EYS: variants seen among roughly 807,000 people sequenced by gnomAD.
The protein encoded by EYS is EGF-like photoreceptor maintenance factor, also known as protein eyes shut homolog.
A neutral mutation model predicts 282.1 loss-of-function variants in EYS; 250 were observed. That is an observed-to-expected ratio of 0.89 (90% CI 0.80 to 0.98). The LOEUF (loss-of-function observed/expected upper bound fraction) is 0.98. Among genes scored for constraint, EYS ranks in the 50% least tolerant of loss-of-function variants. The pLI, the probability that EYS is intolerant of heterozygous loss-of-function variation, is 0.00. For missense variants in EYS, 4,016 were observed against 3,709.0 expected, an observed-to-expected ratio of 1.08 and a Z score of -2.15; for synonymous variants, 1,355 against 1,282.9, an observed-to-expected ratio of 1.06 and a Z score of -1.20.
Position 65,650,585 on chromosome 6 carries a change from C to A in EYS, c.-447-10693G>T, listed in dbSNP as rs1164324092. On this transcript the variant is annotated intron_variant, in intron 1 of 42. Coordinates refer to ENST00000503581, the MANE Select transcript of EYS (RefSeq NM_001142800.2). Reference sequence around the variant, plus strand: ...AGGTAAACAGGATTCTCTGCTCGATCATTGACATCAAAGGCAAAAACGAAT... The same window carrying A: ...AGGTAAACAGGATTCTCTGCTCGATAATTGACATCAAAGGCAAAAACGAAT... Among the ~76,000 whole-genome samples the A allele has an allele frequency of 2.6e-5, 4 of 152,180 alleles. No individual in the cohort carries two copies. In the East Asian group the frequency reaches 5.8e-4, roughly 22 times the overall value.
intron 29 of EYS, among the ~76,000 whole-genome samples, chr6:64,350,997 G>A (rs1332263934): frequency 3.3e-5 from 5 of 151,118 alleles, no homozygotes; most frequent in African/African-American, 9.7e-5. Flanking sequence ...TGTTTGCTTC[G>A]CCTTCCAACA....
intron 5 of EYS, among the ~76,000 whole-genome samples, chr6:65,422,692 A>G (rs1450291873): frequency 6.6e-6 from 1 of 151,846 alleles, no homozygotes; most frequent in Admixed American, 6.6e-5. Context: ...GAAATATCCT[A>G]CACATCTAAC....
chr6:64,731,888 A>G (rs1312131773), intron 22 of EYS, among the ~76,000 whole-genome samples: 1 of 152,216 alleles, frequency 6.6e-6, no homozygotes, highest in African/African-American at 2.4e-5. Flanking sequence ...ATTGTTCACA[A>G]TAGCAAATAT....
intron 24 of EYS, among the ~76,000 whole-genome samples, chr6:64,604,667 C>A (rs1766867480): frequency 6.6e-6 from 1 of 152,048 alleles, no homozygotes; most frequent in African/African-American, 2.4e-5. Context: ...CTTCTGAAAG[C>A]ACAAGTTCAT....
chr6:64,699,623 T>C (rs1770711180), intron 22 of EYS, among the ~76,000 whole-genome samples: 2 of 152,090 alleles, frequency 1.3e-5, no homozygotes, highest in African/African-American at 2.4e-5. Context: ...TCTGGGAACA[T>C]ACAACTCCCA....
chr6:64,633,859 G>A (rs138308834), intron 22 of EYS, among the ~76,000 whole-genome samples: 4 of 152,154 alleles, frequency 2.6e-5, no homozygotes, highest in African/African-American at 4.8e-5. Flanking sequence ...GTCTTTATAT[G>A]ATTGTAATCC....
At chr6:65,121,910 GT>G (rs1369177591) in intron 12 of EYS, among the ~76,000 whole-genome samples, 1 of 151,572 alleles carries the variant, frequency 6.6e-6, no homozygotes, top group African/African-American at 2.4e-5. Context: ...CTTCCTGTTT[GT>G]TTCATATAGC....
At chr6:65,460,761 C>T (rs531305680) in intron 5 of EYS, among the ~76,000 whole-genome samples, 3 of 152,124 alleles carry the variant, frequency 2.0e-5, no homozygotes, top group Non-Finnish European at 4.4e-5. Flanking sequence ...GCCAAATAAA[C>T]TTAAAATATA....
chr6:64,623,450 T>C (rs531899125), intron 23 of EYS, among the ~76,000 whole-genome samples: 1 of 152,170 alleles, frequency 6.6e-6, no homozygotes, highest in South Asian at 2.1e-4. Flanking sequence ...TTAGGTAAAA[T>C]GAGATGCCCT....
At chr6:64,695,940 G>T (rs888004294) in intron 22 of EYS, among the ~76,000 whole-genome samples, 1 of 152,024 alleles carries the variant, frequency 6.6e-6, no homozygotes, top group African/African-American at 2.4e-5. Flanking sequence ...CATAATACTG[G>T]AAGTATTTTT....
intron 23 of EYS, among the ~76,000 whole-genome samples, chr6:64,622,220 G>A (rs1242007206): frequency 6.6e-6 from 1 of 152,092 alleles, no homozygotes; most frequent in Admixed American, 6.6e-5. Context: ...TGGCTTGGAG[G>A]AAGTGGCATA....
chr6:65,418,175 T>A (rs754354005), intron 5 of EYS, among the ~76,000 whole-genome samples: 85 of 152,168 alleles, frequency 5.6e-4, no homozygotes, highest in Middle Eastern at 3.4e-3. Flanking sequence ...CAGCCTAAGT[T>A]CCTATTTAAT....
At chr6:65,627,426 GACACTTGAGGA>G (rs1562297232) in intron 2 of EYS, among the ~76,000 whole-genome samples, 1 of 152,164 alleles carries the variant, frequency 6.6e-6, no homozygotes, top group Non-Finnish European at 1.5e-5. Context: ...CCACTTTGGC[GACACTTGAGGA>G]GCCCTTCGGC....
At chr6:65,644,215 T>C (rs1379920090) in intron 1 of EYS, among the ~76,000 whole-genome samples, 2 of 151,964 alleles carry the variant, frequency 1.3e-5, no homozygotes, top group African/African-American at 2.4e-5. Context: ...ATAGATAGCA[T>C]AAATAAAAAC....
chr6:64,203,164 G>A (rs1765514258), intron 31 of EYS, among the ~76,000 whole-genome samples: 1 of 152,168 alleles, frequency 6.6e-6, no homozygotes, highest in African/African-American at 2.4e-5. Flanking sequence ...GCAGAAATGA[G>A]TGTCAAAATG....
In EYS at chr6:64,917,043, A is replaced by C. The variant is rs189149781; in HGVS notation, c.2382-4300T>G. ...AGGCGGGTGGATCACGAGGTCAGGA[A>C]ATCAAGACCATCCTGGTCAATATGG... On this transcript the variant is annotated intron_variant, in intron 15 of 42. Coordinates refer to ENST00000503581, the MANE Select transcript of EYS (RefSeq NM_001142800.2). 1.1e-3 allele frequency among the ~76,000 whole-genome samples: 171 copies of C among 152,216 alleles called. No homozygotes were observed. The East Asian group carries it at 0.025, about 22-fold the overall frequency.
At chr6:65,578,615 A>G (rs908195899) in intron 2 of EYS, among the ~76,000 whole-genome samples, 2 of 152,116 alleles carry the variant, frequency 1.3e-5, no homozygotes, top group South Asian at 2.1e-4. Flanking sequence ...ATTAAAAAAA[A>G]TGATAAGTGT....
At chr6:64,356,443 C>T (rs949082795) in intron 29 of EYS, among the ~76,000 whole-genome samples, 10 of 151,650 alleles carry the variant, frequency 6.6e-5, no homozygotes, top group Admixed American at 5.9e-4. Flanking sequence ...ATTACTTAGC[C>T]TCTTCCCCCT....
At chr6:64,347,543 G>A (rs1304895217) in intron 29 of EYS, among the ~76,000 whole-genome samples, 1 of 151,062 alleles carries the variant, frequency 6.6e-6, no homozygotes, top group Non-Finnish European at 1.5e-5. Context: ...GGCTATAGTG[G>A]GTTTGTCATA....
Sources: gnomAD v4.1 joint callset for allele counts (sites outside exome capture counted in the v4.1 genomes callset) on GRCh38, gnomAD v4.1.1 for gene constraint, MANE v1.5 for transcripts, NCBI Gene and HGNC (gene_info 2026-07-23, HGNC 2026-07-21) for gene names.